CD99: variants seen among roughly 807,000 people sequenced by gnomAD.
CD99 encodes the protein CD99 molecule (Xg blood group).
CD99 carries 19 observed loss-of-function variants against 28.4 expected under a neutral mutation model. The observed-to-expected ratio is 0.67, with a 90% CI of 0.47 to 0.98. The LOEUF is 0.98. Among genes scored for constraint, CD99 ranks in the 50% least tolerant of loss-of-function variants. The probability of loss-of-function intolerance (pLI) is 0.00; values close to 1 mark genes in which losing one functional copy is unlikely to be tolerated. For synonymous variants in CD99, 103 were observed against 92.1 expected (o/e 1.12, Z -0.67); for missense variants, 283 against 248.8 (o/e 1.14, Z -0.92).
chrX:2,726,880 A>G (rs1300024167), intron 8 of CD99, among the ~76,000 whole-genome samples: 1 of 152,160 alleles, frequency 6.6e-6, no homozygotes, highest in Non-Finnish European at 1.5e-5. Context: ...CACACCTGTA[A>G]TCCCAGCACT....
intron 1 of CD99, among the ~76,000 whole-genome samples, chrX:2,695,238 C>T (rs28693623): frequency 0.3 from 45,204 of 151,630 alleles, 6,984 homozygotes; most frequent in African/African-American, 0.36. Context: ...TGGAATTTTC[C>T]TCTGTTGTCC....
At chrX:2,733,473 C>G (rs2049780595) in intron 8 of CD99, 2 of 1,292,962 alleles carry the variant, frequency 1.5e-6, no homozygotes, top group Non-Finnish European at 1.1e-6. Flanking sequence ...ATCTGCCGCT[C>G]CCCTCGCCCT....
intron 1 of CD99, chrX:2,692,066 C>A: frequency 3.3e-6 from 2 of 611,726 alleles, no homozygotes; most frequent in Non-Finnish European, 5.9e-6. Context: ...CCATCTGCGG[C>A]GGTGGAGAAT....
intron 5 of CD99, among the ~76,000 whole-genome samples, chrX:2,721,713 A>G (rs2049000697): frequency 6.6e-6 from 1 of 152,160 alleles, no homozygotes; most frequent in African/African-American, 2.4e-5. Context: ...CATGTCATGT[A>G]ATCATTTCTA....
At chrX:2,732,566 TC>T (rs1271271788) in intron 8 of CD99, among the ~76,000 whole-genome samples, 3,443 of 145,816 alleles carry the variant, frequency 0.024, 54 homozygotes, top group African/African-American at 0.029. Context: ...GTTCTCCCTC[TC>T]TCTCTCTTTT....
At chrX:2,729,952 A>G (rs2049504291) in intron 8 of CD99, among the ~76,000 whole-genome samples, 1 of 152,254 alleles carries the variant, frequency 6.6e-6, no homozygotes, top group East Asian at 1.9e-4. Flanking sequence ...CAGGAGTTCA[A>G]GATCAGCCTG....
chrX:2,722,685 C>G lies in CD99; in HGVS notation c.310+11C>G, dbSNP rs1485689845. 6.2e-6 allele frequency: 10 copies of G among 1,613,674 alleles called. No homozygotes were observed. The African/African-American group carries it at 1.1e-4, about 17-fold the overall frequency. ...TTTCAGGTGGAGAAGGTACAGTTATCTTGTTTTCTGTCTCTTTTCTCTCTC... is the reference window on the plus strand; with the variant it reads ...TTTCAGGTGGAGAAGGTACAGTTATGTTGTTTTCTGTCTCTTTTCTCTCTC... On this transcript the variant is annotated intron_variant, in intron 6 of 9. Coordinates refer to ENST00000381192, the MANE Select transcript of CD99 (RefSeq NM_002414.5).
At chrX:2,740,272 C>T (rs374906079) in intron 9 of CD99, among the ~76,000 whole-genome samples, 4 of 152,106 alleles carry the variant, frequency 2.6e-5, no homozygotes, top group African/African-American at 7.2e-5. Flanking sequence ...GTGGAGCCCT[C>T]GTGACTTGAA....
At chrX:2,728,713 TTTC>T (rs2049428233) in intron 8 of CD99, among the ~76,000 whole-genome samples, 1 of 152,090 alleles carries the variant, frequency 6.6e-6, no homozygotes, top group Admixed American at 6.5e-5. Context: ...TTCAATGACA[TTTC>T]TTTTTCTTTT....
chrX:2,709,851 A>G (rs2048319396), intron 1 of CD99, among the ~76,000 whole-genome samples: 1 of 152,196 alleles, frequency 6.6e-6, no homozygotes, highest in Non-Finnish European at 1.5e-5. Context: ...GCCCAGCAAG[A>G]AGCATGGACC....
At chrX:2,698,363 C>T (rs1284893856) in intron 1 of CD99, among the ~76,000 whole-genome samples, 1 of 152,022 alleles carries the variant, frequency 6.6e-6, no homozygotes, top group Non-Finnish European at 1.5e-5. Flanking sequence ...GAATCGGAGT[C>T]TGACTACATT....
chrX:2,733,344 C>T, intron 8 of CD99: 1 of 1,581,456 alleles, frequency 6.3e-7, no homozygotes. Context: ...TCGTTTTCAA[C>T]CTTCCATTTC....
chrX:2,706,285 G>A (rs1250995367), intron 1 of CD99, among the ~76,000 whole-genome samples: 9 of 152,176 alleles, frequency 5.9e-5, no homozygotes, highest in African/African-American at 9.6e-5. Context: ...GTGTGAACCC[G>A]GGAGGCATAG....
intron 8 of CD99, among the ~76,000 whole-genome samples, chrX:2,730,175 CT>C (rs58977521): frequency 0.56 from 78,226 of 139,388 alleles, 22,123 homozygotes; most frequent in Non-Finnish European, 0.63. Context: ...ATAAAAATAC[CT>C]TTTTTTTTTT....
intron 8 of CD99, among the ~76,000 whole-genome samples, chrX:2,734,704 C>CT (rs56396325): frequency 3.0e-5 from 4 of 134,008 alleles, no homozygotes; most frequent in South Asian, 2.4e-4. Context: ...ACTTATTTTT[C>CT]TTTTTTTTAC....
intron 1 of CD99, among the ~76,000 whole-genome samples, chrX:2,711,443 A>G (rs769439357): frequency 1.4e-4 from 21 of 150,020 alleles, no homozygotes; most frequent in South Asian, 4.2e-4. Flanking sequence ...GTATGTGTGT[A>G]TATATATATA....
chrX:2,734,772 ATTTC>A (rs990293743), intron 8 of CD99, among the ~76,000 whole-genome samples: 1 of 96,848 alleles, frequency 1.0e-5, no homozygotes, highest in East Asian at 3.1e-4. Flanking sequence ...GACTTTTCTG[ATTTC>A]TTTTTTTTTC....
chrX:2,733,465 C>CT, intron 8 of CD99: 1 of 1,360,230 alleles, frequency 7.4e-7, no homozygotes, highest in Non-Finnish European at 1.0e-6. Flanking sequence ...ACCCTTCCAT[C>CT]TGCCGCTCCC....
At chrX:2,700,936 A>ACCAT in intron 1 of CD99, among the ~76,000 whole-genome samples, 1 of 112,016 alleles carries the variant, frequency 8.9e-6, no homozygotes, top group Non-Finnish European at 1.9e-5. Context: ...CATCCACCCA[A>ACCAT]CCATCCATCC....
Sources: allele counts gnomAD v4.1 joint callset (sites outside exome capture counted in the v4.1 genomes callset), GRCh38; gene constraint gnomAD v4.1.1; transcripts MANE v1.5; gene names NCBI Gene and HGNC (gene_info 2026-07-23, HGNC 2026-07-21).